RHPN2: variants seen among roughly 807,000 people sequenced by gnomAD.
RHPN2 encodes rhophilin-2.
A neutral mutation model predicts 79.0 loss-of-function variants in RHPN2; 40 were observed. The ratio of observed to expected loss-of-function variants is 0.51; its 90% confidence interval spans 0.39 to 0.66. The LOEUF is 0.66. Ranked by LOEUF, RHPN2 falls within the 30% of genes least tolerant of loss-of-function variation. The pLI is 0.00. For synonymous variants in RHPN2, 285 were observed against 363.5 expected (o/e 0.78, Z 2.46); for missense variants, 686 against 883.5 (o/e 0.78, Z 2.83).
intron 14 of RHPN2, among the ~76,000 whole-genome samples, chr19:32,985,033 C>T (rs561370830): frequency 1.3e-5 from 2 of 151,814 alleles, no homozygotes; most frequent in East Asian, 3.9e-4. Context: ...GAGTCTCCCT[C>T]TCTTGCACAG....
At chr19:33,044,395 G>C (rs753121291) in intron 1 of RHPN2, 31 bp from the exon 2 acceptor site, 2 of 1,421,976 alleles carry the variant, frequency 1.4e-6, no homozygotes, top group Non-Finnish European at 2.0e-6. Flanking sequence ...CCCCTTCAGA[G>C]GTCGGCCACT....
intron 2 of RHPN2, among the ~76,000 whole-genome samples, chr19:33,037,005 G>C (rs1415963723): frequency 6.6e-6 from 1 of 152,250 alleles, no homozygotes; most frequent in Non-Finnish European, 1.5e-5. Context: ...CGCCGGACTG[G>C]CAGGCAGCTC....
chr19:32,993,118 T>A (rs1335759616), intron 12 of RHPN2, among the ~76,000 whole-genome samples: 2 of 151,552 alleles, frequency 1.3e-5, no homozygotes, highest in Non-Finnish European at 2.9e-5. Context: ...ACCATGTCTC[T>A]AAAAAAACTA....
chr19:33,004,181 G>A lies in RHPN2; in HGVS notation c.761-1181C>T, dbSNP rs116923589. ...AGTCTCCTGAAGAGCTGGGACTACAGCCATGTGCCACCCTACACCAAGCTA... is the reference window on the plus strand; with the variant it reads ...AGTCTCCTGAAGAGCTGGGACTACAACCATGTGCCACCCTACACCAAGCTA... On this transcript the variant is annotated intron_variant, in intron 7 of 14. Coordinates refer to ENST00000254260, the MANE Select transcript of RHPN2 (RefSeq NM_033103.5). 1.2e-3 allele frequency among the ~76,000 whole-genome samples: 183 copies of A among 152,204 alleles called. 2 individuals are homozygous for A. In the East Asian group the frequency reaches 0.032, roughly 26 times the overall value.
At chr19:33,008,211 A>G (rs1971809113) in intron 6 of RHPN2, 31 bp from the exon 7 acceptor site, 1 of 1,608,726 alleles carries the variant, frequency 6.2e-7, no homozygotes, top group African/African-American at 1.3e-5. Context: ...CCGAGAATAC[A>G]GATTACTTGG....
At chr19:33,054,455 C>T (rs1972215876) in intron 1 of RHPN2, among the ~76,000 whole-genome samples, 1 of 152,162 alleles carries the variant, frequency 6.6e-6, no homozygotes, top group African/African-American at 2.4e-5. Context: ...CTGCCTCGGA[C>T]TCCCAAAGTG....
intron 1 of RHPN2, among the ~76,000 whole-genome samples, chr19:33,045,939 A>G (rs566259748): frequency 8.5e-5 from 13 of 152,210 alleles, no homozygotes; most frequent in Non-Finnish European, 1.6e-4. Flanking sequence ...TATAAACGGA[A>G]TCATATAATA....
rs367717257 is a variant in RHPN2, at chr19:32,979,959, G to A, written c.*37C>T. 782 of 1,612,168 alleles carry A rather than the reference G, an allele frequency of 4.9e-4. 4 individuals are homozygous for A. In the African/African-American group the frequency reaches 9.5e-3, roughly 20 times the overall value. On this transcript the variant is annotated 3_prime_UTR_variant, in exon 15 of 15. Transcript: ENST00000254260. The stretch of plus-strand genomic sequence containing the variant: ...AACGTTTAAGGCCGAGTCAGCACCG[G>A]AAATGTTCAGGGCCTGAACATGTTT...
At chr19:33,022,060 C>A (rs942882532) in intron 3 of RHPN2, among the ~76,000 whole-genome samples, 4 of 152,122 alleles carry the variant, frequency 2.6e-5, no homozygotes, top group Non-Finnish European at 4.4e-5. Context: ...CCTGCCTCAG[C>A]CCCCCGAGTA....
intron 7 of RHPN2, 53 bp downstream of exon 7, chr19:33,007,961 G>A: frequency 6.2e-7 from 1 of 1,602,280 alleles, no homozygotes; most frequent in South Asian, 1.1e-5. Context: ...GGGTCCCCTG[G>A]TGCCACCGGG....
chr19:33,061,363 G>A (rs1284476124), intron 1 of RHPN2, among the ~76,000 whole-genome samples: 2 of 149,628 alleles, frequency 1.3e-5, no homozygotes, highest in African/African-American at 2.5e-5. Flanking sequence ...CCGCCACCAC[G>A]CCCGGCTAAT....
chr19:33,047,926 A>C (rs1972154963), intron 1 of RHPN2, among the ~76,000 whole-genome samples: 1 of 152,022 alleles, frequency 6.6e-6, no homozygotes, highest in Admixed American at 6.6e-5. Flanking sequence ...AATAATAATA[A>C]AAATTTTTAA....
At chr19:32,991,100 A>C (rs1158777629) in intron 13 of RHPN2, among the ~76,000 whole-genome samples, 1 of 152,008 alleles carries the variant, frequency 6.6e-6, no homozygotes, top group African/African-American at 2.4e-5. Context: ...GGCAGACAGA[A>C]TACTTGAGGC....
Position 32,993,428 on chromosome 19 carries a change from C to T in RHPN2, c.1497+549G>A, listed in dbSNP as rs575722790. 3.9e-5 allele frequency among the ~76,000 whole-genome samples: 6 copies of T among 152,106 alleles called. No homozygotes were observed. In the East Asian group the frequency reaches 5.8e-4, roughly 15 times the overall value. ...GGCGGAGGCTGCAGTGAGCTGAGATCGCACCACTGCACTCCAGCCTGGGCA... is the reference window on the plus strand; with the variant it reads ...GGCGGAGGCTGCAGTGAGCTGAGATTGCACCACTGCACTCCAGCCTGGGCA... On this transcript the variant is annotated intron_variant, in intron 12 of 14. Coordinates refer to ENST00000254260, the MANE Select transcript of RHPN2 (RefSeq NM_033103.5).
chr19:32,988,551 G>C (rs1230513976), intron 14 of RHPN2, among the ~76,000 whole-genome samples: 4 of 147,366 alleles, frequency 2.7e-5, no homozygotes, highest in Admixed American at 2.7e-4. Flanking sequence ...GGGCTTCCAA[G>C]TGGCTTCCAA....
chr19:33,060,777 C>G (rs995024463), intron 1 of RHPN2, among the ~76,000 whole-genome samples: 2 of 152,140 alleles, frequency 1.3e-5, no homozygotes, highest in Non-Finnish European at 2.9e-5. Context: ...AGCAATCCTC[C>G]CACCTTGGCC....
chr19:33,062,767 CATAATAATAATAATAATA>C lies in RHPN2; in HGVS notation c.69+1999_69+2016del, dbSNP rs76516449. On this transcript the variant is annotated intron_variant, in intron 1 of 14. Coordinates refer to ENST00000254260, the MANE Select transcript of RHPN2 (RefSeq NM_033103.5). ...TGAGCGACAGAGTGAGACTCTGTTT[CATAATAATAATAATAATA>C]ATAATAATAATAATAATAATTAATA... Among the ~76,000 whole-genome samples, 20 of 143,666 alleles carry C rather than the reference CATAATAATAATAATAATA, an allele frequency of 1.4e-4. No homozygotes were observed. The East Asian group carries it at 1.6e-3, about 12-fold the overall frequency. The allele number at this position is 143,666 out of a possible 152,430, so 94.3% of individuals were successfully genotyped here.
intron 14 of RHPN2, among the ~76,000 whole-genome samples, chr19:32,988,229 C>CA (rs1971627401): frequency 6.7e-6 from 1 of 149,412 alleles, no homozygotes; most frequent in East Asian, 2.0e-4. Context: ...AAAAACAAAA[C>CA]AAACAAAACA....
chr19:33,002,511 G>A, intron 8 of RHPN2, 108 bp from the exon 9 acceptor site: 2 of 1,393,356 alleles, frequency 1.4e-6, no homozygotes, highest in South Asian at 1.2e-5. Context: ...CCCCTGCCAG[G>A]GGCTGCTCCA....
Sources: gnomAD v4.1 joint callset for allele counts (sites outside exome capture counted in the v4.1 genomes callset) on GRCh38, gnomAD v4.1.1 for gene constraint, MANE v1.5 for transcripts, NCBI Gene and HGNC (gene_info 2026-07-23, HGNC 2026-07-21) for gene names.